The following ZFAND3 variants were observed in gnomAD, a reference collection of about 807,000 sequenced individuals.
ZFAND3 encodes zinc finger AN1-type containing 3, also known as AN1-type zinc finger protein 3.
Under a neutral mutation model 29.6 loss-of-function variants are expected in ZFAND3, and 10 were observed. The ratio of observed to expected loss-of-function variants is 0.34; its 90% CI spans 0.21 to 0.57. ZFAND3 has a LOEUF of 0.57. Among genes scored for constraint, ZFAND3 ranks in the 20% least tolerant of loss-of-function variants. The pLI, the probability that ZFAND3 is intolerant of heterozygous loss-of-function variation, is 0.86. For synonymous variants in ZFAND3, 128 were observed against 112.6 expected (o/e 1.14, Z -0.87); for missense variants, 230 against 304.5 (o/e 0.76, Z 1.82).
intron 3 of ZFAND3, among the ~76,000 whole-genome samples, chr6:38,070,652 C>T (rs995253724): frequency 2.0e-5 from 3 of 151,992 alleles, no homozygotes; most frequent in Non-Finnish European, 2.9e-5. Context: ...CAGTTTTGTA[C>T]GTGGCTAATG....
At chr6:38,033,952 T>G (rs1375244525) in intron 2 of ZFAND3, among the ~76,000 whole-genome samples, 3 of 152,184 alleles carry the variant, frequency 2.0e-5, no homozygotes, top group Non-Finnish European at 4.4e-5. Flanking sequence ...AAAATAAATT[T>G]TATTTTACAA....
chr6:37,974,398 CTCT>C lies in ZFAND3; in HGVS notation c.112+44400_112+44402del, dbSNP rs200900983. Among the ~76,000 whole-genome samples the C allele has an allele frequency of 0.024, 2,182 of 89,624 alleles. 220 individuals are homozygous for C. In the East Asian group the frequency reaches 0.47, roughly 19 times the overall value. The allele number at this position is 89,624 out of a possible 152,430, so 58.8% of individuals were successfully genotyped here. On this transcript the variant is annotated intron_variant, in intron 2 of 5. Transcript: ENST00000287218. ...TGCATTATATACTCTCTCTCTCTCT[CTCT>C]CTTTTTTTTTTTTTTTTTTTGGAGA...
At chr6:37,959,079 T>C (rs867559908) in intron 2 of ZFAND3, among the ~76,000 whole-genome samples, 9 of 152,110 alleles carry the variant, frequency 5.9e-5, no homozygotes, top group African/African-American at 2.2e-4. Flanking sequence ...GGTATAGAAG[T>C]GGAATAGTGA....
In ZFAND3 at chr6:38,083,459, T is replaced by C. The variant is rs557205875; in HGVS notation, c.361+1002T>C. Among the ~76,000 whole-genome samples the C allele has an allele frequency of 2.0e-3, 302 of 152,156 alleles. 1 individual carries two copies. The highest frequency in any genetic ancestry group is 2.6e-3 in the Non-Finnish European group (176 of 67,990). On this transcript the variant is annotated intron_variant, in intron 4 of 5. Transcript: ENST00000287218. ...CCCAAGCTCCACTAGGTAGAGTAGATTTCTTTTTTTTACTGAGGTAGAAAA... is the reference window on the plus strand; with the variant it reads ...CCCAAGCTCCACTAGGTAGAGTAGACTTCTTTTTTTTACTGAGGTAGAAAA...
intron 2 of ZFAND3, among the ~76,000 whole-genome samples, chr6:38,025,431 C>T (rs978504317): frequency 4.8e-4 from 73 of 152,180 alleles, no homozygotes; most frequent in African/African-American, 1.6e-3. Flanking sequence ...AAGATAATTT[C>T]TCTGAATTTT....
chr6:38,044,498 C>T (rs188468268), intron 2 of ZFAND3, among the ~76,000 whole-genome samples: 10 of 152,258 alleles, frequency 6.6e-5, no homozygotes, highest in Admixed American at 6.5e-4. Flanking sequence ...ACAGTTCACT[C>T]TTGACTAGGC....
chr6:38,091,899 A>G (rs1297484874), intron 4 of ZFAND3, among the ~76,000 whole-genome samples: 1 of 152,116 alleles, frequency 6.6e-6, no homozygotes, highest in African/African-American at 2.4e-5. Flanking sequence ...GAGGGCTAAT[A>G]GAGGCTGGGG....
At chr6:38,012,971 C>T (rs1011459070) in intron 2 of ZFAND3, among the ~76,000 whole-genome samples, 1 of 152,064 alleles carries the variant, frequency 6.6e-6, no homozygotes, top group African/African-American at 2.4e-5. Flanking sequence ...TAAATATCAA[C>T]ATTGGTTATT....
At chr6:37,939,831 GGAGTTT>G (rs1251740193) in intron 2 of ZFAND3, among the ~76,000 whole-genome samples, 2 of 152,140 alleles carry the variant, frequency 1.3e-5, no homozygotes, top group African/African-American at 4.8e-5. Context: ...CACGAGGTCA[GGAGTTT>G]GAGACCAGCC....
chr6:38,086,446 T>C (rs1764759143), intron 4 of ZFAND3, among the ~76,000 whole-genome samples: 1 of 152,166 alleles, frequency 6.6e-6, no homozygotes, highest in Non-Finnish European at 1.5e-5. Flanking sequence ...TTGGTTAGAA[T>C]GTGTGAGTTA....
intron 5 of ZFAND3, among the ~76,000 whole-genome samples, chr6:38,135,065 C>T (rs144525895): frequency 9.3e-4 from 142 of 152,236 alleles, no homozygotes; most frequent in African/African-American, 3.0e-3. Context: ...TTCAGTCTCT[C>T]GAAGTCGTGT....
At chr6:37,841,446 A>G (rs533551345) in intron 1 of ZFAND3, among the ~76,000 whole-genome samples, 2 of 152,286 alleles carry the variant, frequency 1.3e-5, no homozygotes, top group African/African-American at 4.8e-5. Context: ...CATGCATATC[A>G]TTAACTAGAG....
At chr6:37,846,590 C>G (rs1258938995) in intron 1 of ZFAND3, among the ~76,000 whole-genome samples, 1 of 152,130 alleles carries the variant, frequency 6.6e-6, no homozygotes. Context: ...ATATTTACTC[C>G]TTAACAGTAA....
chr6:38,080,320 T>A (rs907421566), intron 3 of ZFAND3, among the ~76,000 whole-genome samples: 1 of 151,238 alleles, frequency 6.6e-6, no homozygotes, highest in African/African-American at 2.4e-5. Flanking sequence ...ATATATATAT[T>A]AAAATATATA....
chr6:38,126,582 G>T (rs963329322), intron 5 of ZFAND3, among the ~76,000 whole-genome samples: 2 of 152,026 alleles, frequency 1.3e-5, no homozygotes, highest in Non-Finnish European at 2.9e-5. Flanking sequence ...TTTAACTTTA[G>T]GTATTCTAGT....
In ZFAND3 at chr6:37,819,928, C is replaced by G; in HGVS notation, c.-18C>G. The G allele has an allele frequency of 8.3e-7, 1 of 1,211,518 alleles. No homozygotes were observed. The highest frequency in any genetic ancestry group is 1.0e-6 in the Non-Finnish European group (1 of 976,354). The allele number at this position is 1,211,518 out of a possible 1,614,324, so 75.0% of individuals were successfully genotyped here. ...CCGCCACCGCTGCCGCCGCCGAGCT[C>G]CGCCGCCGCCGAGCACCATGGGAGA... On this transcript the variant is annotated 5_prime_UTR_variant, in exon 1 of 6. Coordinates refer to ENST00000287218, the MANE Select transcript of ZFAND3 (RefSeq NM_021943.3).
chr6:37,855,208 C>T (rs1581711288), intron 1 of ZFAND3, among the ~76,000 whole-genome samples: 2 of 150,178 alleles, frequency 1.3e-5, no homozygotes, highest in South Asian at 2.1e-4. Context: ...ACAGTAGTGC[C>T]GTCTCGTCTC....
chr6:37,914,550 G>C (rs1026181013), intron 1 of ZFAND3, among the ~76,000 whole-genome samples: 5 of 152,100 alleles, frequency 3.3e-5, no homozygotes, highest in Non-Finnish European at 7.4e-5. Flanking sequence ...TGTTGGCCAG[G>C]CTGGTCTTGA....
At chr6:37,826,920 A>G (rs1763770381) in intron 1 of ZFAND3, among the ~76,000 whole-genome samples, 1 of 152,226 alleles carries the variant, frequency 6.6e-6, no homozygotes, top group African/African-American at 2.4e-5. Flanking sequence ...CTAGCTCAGT[A>G]ACTAGTGATT....
Sources: gnomAD v4.1 joint callset for allele counts (sites outside exome capture counted in the v4.1 genomes callset) on GRCh38, gnomAD v4.1.1 for gene constraint, MANE v1.5 for transcripts, NCBI Gene and HGNC (gene_info 2026-07-23, HGNC 2026-07-21) for gene names.